Variants in ATF1 observed in about 807,000 individuals in gnomAD.
The protein encoded by ATF1 is cyclic AMP-dependent transcription factor ATF-1.
A neutral mutation model predicts 34.7 loss-of-function variants in ATF1; 16 were observed. The ratio of observed to expected loss-of-function variants is 0.46; its 90% CI spans 0.31 to 0.70. The LOEUF (loss-of-function observed/expected upper bound fraction) is 0.70. Ranked by LOEUF, ATF1 falls within the 30% of genes least tolerant of loss-of-function variation. ATF1 has a pLI of 0.05. For missense variants in ATF1, 255 were observed against 321.6 expected, an observed-to-expected ratio of 0.79 and a Z score of 1.58; for synonymous variants, 105 against 113.1, an observed-to-expected ratio of 0.93 and a Z score of 0.46.
chr12:50,799,664 A>G (rs1941476316), intron 3 of ATF1, among the ~76,000 whole-genome samples: 1 of 152,218 alleles, frequency 6.6e-6, no homozygotes, highest in Non-Finnish European at 1.5e-5. Context: ...GGCCAAAAAT[A>G]GAGCATATAA....
intron 2 of ATF1, among the ~76,000 whole-genome samples, chr12:50,794,564 CA>C (rs879750322): frequency 1.1e-3 from 148 of 139,642 alleles, no homozygotes; most frequent in Admixed American, 1.2e-3. Flanking sequence ...TACTCCATCT[CA>C]AAAAAAAAAA....
intron 3 of ATF1, among the ~76,000 whole-genome samples, chr12:50,802,997 A>C (rs2139680150): frequency 6.6e-6 from 1 of 151,500 alleles, no homozygotes; most frequent in African/African-American, 2.4e-5. Flanking sequence ...ATGGTGGCTT[A>C]TGCATGTAAT....
At chr12:50,809,340 C>T (rs967047911) in intron 3 of ATF1, 116 bp from the exon 4 acceptor site, 99 of 949,754 alleles carry the variant, frequency 1.0e-4, no homozygotes, top group Non-Finnish European at 1.4e-4. Context: ...CGCCACTGTA[C>T]TCCAGCCTGG....
At chr12:50,766,608 A>G (rs1012862550) in intron 1 of ATF1, among the ~76,000 whole-genome samples, 3 of 151,608 alleles carry the variant, frequency 2.0e-5, no homozygotes, top group African/African-American at 4.8e-5. Context: ...TTCACCCACT[A>G]ACTCGTCATC....
intron 6 of ATF1, among the ~76,000 whole-genome samples, chr12:50,815,339 T>C (rs1229931206): frequency 6.6e-6 from 1 of 152,066 alleles, no homozygotes; most frequent in Non-Finnish European, 1.5e-5. Flanking sequence ...GTTGGTGTCT[T>C]AATTTTTAAC....
In ATF1 at chr12:50,764,103, T is replaced by C. The variant is rs558752839; in HGVS notation, c.-211T>C. 6.8e-5 allele frequency: 9 copies of C among 133,128 alleles called. No homozygotes were observed. The highest frequency in any genetic ancestry group is 5.0e-4 in the East Asian group (2 of 3,964). The allele number at this position is 133,128 out of a possible 1,614,324, so 8.2% of individuals were successfully genotyped here. ...AGGCTTGTGTAGATCATGCCGCCAG[T>C]AGCGGCCCTGACTGCCGAGGAAACG... On this transcript the variant is annotated 5_prime_UTR_variant, in exon 1 of 7. Transcript: ENST00000262053.
chr12:50,791,029 G>A (rs921718038), intron 2 of ATF1, among the ~76,000 whole-genome samples: 2 of 152,090 alleles, frequency 1.3e-5, no homozygotes, highest in Non-Finnish European at 2.9e-5. Flanking sequence ...GGTGTTTTAA[G>A]GGGGCTCTGG....
At chr12:50,769,470 C>T (rs1456076273) in intron 1 of ATF1, among the ~76,000 whole-genome samples, 4 of 151,222 alleles carry the variant, frequency 2.6e-5, no homozygotes, top group Non-Finnish European at 4.4e-5. Context: ...CACCACTGCA[C>T]TCTATCCAGC....
At position 50,809,585 on chromosome 12, in the gene ATF1, G is replaced by C. The variant is rs754622283; in HGVS notation, c.324G>C (p.Gln108His). 3 of 1,610,528 alleles carry C rather than the reference G, an allele frequency of 1.9e-6. No homozygotes were observed. Among genetic ancestry groups the C allele is most frequent in the Non-Finnish European group, 2.5e-6 (3 of 1,178,570 alleles). The change falls in exon 4 of 7, where the codon CAG becomes CAC. Residue 108 changes from glutamine to histidine, a missense_variant. By Grantham distance (24) the Gln-to-His change is conservative. Around this residue, in one of 2 missense-constraint regions of ATF1, gnomAD observed 221 missense variants for 250.7 expected, o/e 0.88. Transcript: ENST00000262053. The part of the protein sequence containing the change: ...PTPIYQTSSG[Q>H]YIAIAPNGAL... ...CCATCTATCAGACTAGCAGCGGACA[G>C]TACAGTATGTATAGGAATCAGTTTC...
At chr12:50,773,837 G>A (rs1350384299) in intron 1 of ATF1, among the ~76,000 whole-genome samples, 2 of 151,656 alleles carry the variant, frequency 1.3e-5, no homozygotes, top group African/African-American at 4.8e-5. Context: ...TGATCTGCCC[G>A]CCTCGATCTC....
intron 3 of ATF1, among the ~76,000 whole-genome samples, chr12:50,807,138 TG>T (rs1273006749): frequency 1.3e-5 from 2 of 152,226 alleles, no homozygotes; most frequent in African/African-American, 4.8e-5. Context: ...TTTCTTGCTG[TG>T]ACTCATGCCT....
intron 1 of ATF1, among the ~76,000 whole-genome samples, chr12:50,773,224 CAT>C (rs1361760757): frequency 6.6e-6 from 1 of 152,120 alleles, no homozygotes; most frequent in Non-Finnish European, 1.5e-5. Context: ...CTGCAGTGAA[CAT>C]ATGTGGGCAT....
intron 3 of ATF1, among the ~76,000 whole-genome samples, chr12:50,805,628 G>A (rs969294586): frequency 1.4e-4 from 21 of 151,238 alleles, no homozygotes; most frequent in African/African-American, 5.1e-4. Flanking sequence ...TTCTTAGGTA[G>A]GGAATGTCTA....
At chr12:50,777,973 G>C (rs149452365) in intron 1 of ATF1, among the ~76,000 whole-genome samples, 1 of 147,452 alleles carries the variant, frequency 6.8e-6, no homozygotes, top group Admixed American at 6.9e-5. Flanking sequence ...GCTGAAGTGC[G>C]GTAGTGTGAT....
intron 6 of ATF1, among the ~76,000 whole-genome samples, chr12:50,814,872 G>A (rs988551990): frequency 1.4e-5 from 2 of 145,214 alleles, no homozygotes; most frequent in Non-Finnish European, 3.0e-5. Context: ...GGTGGCTCAC[G>A]CCTGTAATCC....
chr12:50,791,186 T>G (rs1197604270), intron 2 of ATF1, among the ~76,000 whole-genome samples: 1 of 152,150 alleles, frequency 6.6e-6, no homozygotes, highest in Non-Finnish European at 1.5e-5. Context: ...ACCCTAGGCA[T>G]TTTGAGGGAT....
chr12:50,795,914 A>G lies in ATF1; in HGVS notation c.99A>G (p.Ser33=), dbSNP rs775172204. The change falls in exon 3 of 7, where the codon TCA becomes TCG. Residue 33 remains serine, a synonymous_variant. Coordinates refer to ENST00000262053, the MANE Select transcript of ATF1 (RefSeq NM_005171.5). ...AHISHIAQQV[S]SLSESEESQD... ...TAATGCCAGTTCTTTTTTAGGTATC[A>G]TCTTTATCAGAAAGTGAGGAGTCCC... is the stretch of plus-strand genomic sequence containing the variant. 1.6e-5 allele frequency: 25 copies of G among 1,610,858 alleles called. No homozygotes were observed. Among genetic ancestry groups the G allele is most frequent in the Non-Finnish European group, 2.0e-5 (24 of 1,178,520 alleles).
At chr12:50,777,844 C>A (rs1460880651) in intron 1 of ATF1, among the ~76,000 whole-genome samples, 1 of 151,824 alleles carries the variant, frequency 6.6e-6, no homozygotes, top group Admixed American at 6.6e-5. Flanking sequence ...GCTTAAACTC[C>A]ACAGTTATTA....
intron 1 of ATF1, among the ~76,000 whole-genome samples, chr12:50,779,415 C>T (rs988222848): frequency 1.3e-5 from 2 of 152,178 alleles, no homozygotes; most frequent in African/African-American, 4.8e-5. Flanking sequence ...CTTGCCAACA[C>T]TTAGTATTTT....
Sources: allele counts gnomAD v4.1 joint callset (sites outside exome capture counted in the v4.1 genomes callset), GRCh38; gene constraint gnomAD v4.1.1; regional missense constraint gnomAD v4.1.1; transcripts MANE v1.5; gene names NCBI Gene and HGNC (gene_info 2026-07-23, HGNC 2026-07-21).